Variants in BLTP3B observed in about 807,000 individuals in gnomAD.
BLTP3B encodes the protein bridge-like lipid transfer protein family member 3B.
chr12:100,110,732 G>T, the BLTP3B span, among the ~76,000 whole-genome samples: 53 of 152,140 alleles, frequency 3.5e-4, no homozygotes, highest in African/African-American at 1.2e-3. Flanking sequence ...GGTAGGGAAA[G>T]AAAGTATTCC....
At chr12:100,053,617 A>C in the BLTP3B span, among the ~76,000 whole-genome samples, 1 of 152,216 alleles carries the variant, frequency 6.6e-6, no homozygotes, top group Non-Finnish European at 1.5e-5. Flanking sequence ...CTTTGTATGT[A>C]TCTGACACAC....
At chr12:100,096,838 A>G in the BLTP3B span, among the ~76,000 whole-genome samples, 1 of 151,976 alleles carries the variant, frequency 6.6e-6, no homozygotes, top group African/African-American at 2.4e-5. Flanking sequence ...AAAAATAAAA[A>G]TAAGGCAGAG....
chr12:100,120,775 T>A, the BLTP3B span, among the ~76,000 whole-genome samples: 5 of 151,512 alleles, frequency 3.3e-5, no homozygotes, highest in Non-Finnish European at 5.9e-5. Flanking sequence ...TATGAAAACA[T>A]AGCACATACA....
the BLTP3B span, chr12:100,051,191 C>T: frequency 6.2e-7 from 1 of 1,610,678 alleles, no homozygotes; most frequent in Non-Finnish European, 8.5e-7. Flanking sequence ...TGCTGTGCCC[C>T]TGTAATTTGT....
At chr12:100,065,430 G>A in the BLTP3B span, among the ~76,000 whole-genome samples, 11 of 152,120 alleles carry the variant, frequency 7.2e-5, no homozygotes, top group African/African-American at 1.2e-4. Flanking sequence ...ATAAACGGAC[G>A]TGCAAGTAGT....
At chr12:100,050,268 G>A in the BLTP3B span, 7 of 1,610,580 alleles carry the variant, frequency 4.3e-6, no homozygotes. Context: ...CTTCCCCTCG[G>A]ATGTCAATTT....
the BLTP3B span, among the ~76,000 whole-genome samples, chr12:100,132,471 G>A: frequency 8.5e-5 from 13 of 152,090 alleles, no homozygotes; most frequent in Admixed American, 2.6e-4. Flanking sequence ...TCTCACGTGC[G>A]TAGGTTGTTA....
the BLTP3B span, among the ~76,000 whole-genome samples, chr12:100,140,729 A>ATATATATATATATAT: frequency 1.6e-5 from 1 of 61,492 alleles, no homozygotes; most frequent in African/African-American, 1.0e-4. Flanking sequence ...AAAAAAAAAA[A>ATATATATATATATAT]ATATATATAT....
chr12:100,048,734 G>C, the BLTP3B span, among the ~76,000 whole-genome samples: 1 of 138,658 alleles, frequency 7.2e-6, no homozygotes, highest in East Asian at 2.1e-4. Flanking sequence ...AGTAAGGGGG[G>C]GGAGAGAGAG....
the BLTP3B span, among the ~76,000 whole-genome samples, chr12:100,106,386 A>T: frequency 6.6e-6 from 1 of 152,370 alleles, no homozygotes; most frequent in Non-Finnish European, 1.5e-5. Context: ...GTGGTTACAG[A>T]AAATGTGGTA....
the BLTP3B span, among the ~76,000 whole-genome samples, chr12:100,107,861 A>C: frequency 6.6e-6 from 1 of 152,060 alleles, no homozygotes; most frequent in South Asian, 2.1e-4. Flanking sequence ...CAGCTTCCCA[A>C]GTAGCTGGGC....
At chr12:100,072,558 A>G in the BLTP3B span, 1 of 951,546 alleles carries the variant, frequency 1.1e-6, no homozygotes, top group Non-Finnish European at 1.4e-6. Context: ...ACTAATAATA[A>G]ATAAGGAACA....
At chr12:100,108,281 A>T in the BLTP3B span, 1 of 1,218,050 alleles carries the variant, frequency 8.2e-7, no homozygotes, top group East Asian at 2.5e-5. Flanking sequence ...AAATGTTTTT[A>T]CACAATTATC....
At chr12:100,059,543 A>T in the BLTP3B span, 2 of 1,565,074 alleles carry the variant, frequency 1.3e-6, no homozygotes, top group Non-Finnish European at 8.6e-7. Flanking sequence ...ACTAGAAGAG[A>T]AGAAAAATTA....
At chr12:100,064,297 A>C in the BLTP3B span, among the ~76,000 whole-genome samples, 1 of 152,212 alleles carries the variant, frequency 6.6e-6, no homozygotes, top group African/African-American at 2.4e-5. Context: ...TATGTTAAAC[A>C]ACCAAACCTA....
the BLTP3B span, chr12:100,088,966 T>G: frequency 2.0e-6 from 3 of 1,497,872 alleles, no homozygotes; most frequent in Admixed American, 6.0e-5. Context: ...AGATGAGAAA[T>G]CACTAAATGA....
chr12:100,052,642 G>A, the BLTP3B span, among the ~76,000 whole-genome samples: 1 of 152,072 alleles, frequency 6.6e-6, no homozygotes. Flanking sequence ...GAAAACATCA[G>A]AAAAAGTAAG....
At chr12:100,041,237 T>C in the BLTP3B span, among the ~76,000 whole-genome samples, 1 of 152,034 alleles carries the variant, frequency 6.6e-6, no homozygotes, top group Non-Finnish European at 1.5e-5. Flanking sequence ...AGAAAAAGCA[T>C]CTGACAAAAT....
the BLTP3B span, among the ~76,000 whole-genome samples, chr12:100,121,354 GAAAAAA>G: frequency 8.9e-4 from 86 of 97,130 alleles, no homozygotes; most frequent in South Asian, 0.017. Flanking sequence ...CCATCTCATG[GAAAAAA>G]AAAAAAAAAA....
Sources: gnomAD v4.1 joint callset for allele counts (sites outside exome capture counted in the v4.1 genomes callset) on GRCh38, gnomAD v4.1.1 for gene constraint, MANE v1.5 for transcripts, NCBI Gene and HGNC (gene_info 2026-07-23, HGNC 2026-07-21) for gene names.